NCALD: variants seen among roughly 807,000 people sequenced by gnomAD.
NCALD encodes the protein neurocalcin-delta.
In NCALD, 10 loss-of-function variants were observed where a neutral mutation model predicts 18.6. The observed-to-expected ratio is 0.54, with a 90% CI of 0.33 to 0.91. NCALD has a LOEUF of 0.91. NCALD is among the 40% of genes least tolerant of loss of function. The pLI is 0.03. For synonymous variants in NCALD, 88 were observed against 87.4 expected (o/e 1.01, Z -0.04); for missense variants, 184 against 247.6 (o/e 0.74, Z 1.72).
At chr8:102,035,171 T>G (rs1822817782) in intron 1 of NCALD, among the ~76,000 whole-genome samples, 1 of 152,062 alleles carries the variant, frequency 6.6e-6, no homozygotes, top group Admixed American at 6.6e-5. Flanking sequence ...TCCTCTTAAA[T>G]TCAGTAATGT....
chr8:101,697,432 C>A (rs1437178927), intron 2 of NCALD, among the ~76,000 whole-genome samples: 2 of 152,180 alleles, frequency 1.3e-5, no homozygotes, highest in African/African-American at 4.8e-5. Flanking sequence ...GGACTCCTCC[C>A]TAACTCATTT....
rs181176699 is a variant in NCALD at position 102,093,914 on chromosome 8, C to A, written c.-210+30323G>T. On this transcript the variant is annotated intron_variant, in intron 1 of 6. Coordinates refer to the NCALD transcript ENST00000311028. ...TGCCCTTAAATACCTTAATACCCTA[C>A]AAATTCCTGAAGATAAGATAGATGA... Among the ~76,000 whole-genome samples, 45 of 152,280 alleles carry A rather than the reference C, an allele frequency of 3.0e-4. 1 individual carries two copies. Among genetic ancestry groups the A allele is most frequent in the Admixed American group, 2.6e-3 (40 of 15,292 alleles).
chr8:101,761,225 T>C (rs1274938730), intron 1 of NCALD, among the ~76,000 whole-genome samples: 3 of 152,334 alleles, frequency 2.0e-5, no homozygotes, highest in East Asian at 3.9e-4. Flanking sequence ...CTTAGCTCTG[T>C]CTTTTAGTTC....
At chr8:101,697,837 C>A (rs1323955421) in intron 2 of NCALD, among the ~76,000 whole-genome samples, 2 of 152,140 alleles carry the variant, frequency 1.3e-5, no homozygotes, top group Non-Finnish European at 2.9e-5. Flanking sequence ...CAATATCATA[C>A]TGAATGGGCA....
intron 1 of NCALD, among the ~76,000 whole-genome samples, chr8:102,034,384 A>G (rs1023945427): frequency 3.9e-5 from 6 of 152,240 alleles, no homozygotes; most frequent in African/African-American, 1.4e-4. Context: ...TAATTGCATC[A>G]ACAGAAGCAT....
chr8:101,859,460 TA>T (rs1815452235), intron 4 of NCALD, among the ~76,000 whole-genome samples: 1 of 152,176 alleles, frequency 6.6e-6, no homozygotes, highest in African/African-American at 2.4e-5. Context: ...TATATCCTTT[TA>T]GTTCTGTCCC....
At chr8:101,880,644 C>T (rs1816455971) in intron 4 of NCALD, among the ~76,000 whole-genome samples, 1 of 152,156 alleles carries the variant, frequency 6.6e-6, no homozygotes, top group African/African-American at 2.4e-5. Context: ...AATTCTCCCC[C>T]AGATAGTGTG....
chr8:101,944,894 A>G (rs1292803688), intron 2 of NCALD, among the ~76,000 whole-genome samples: 3 of 151,912 alleles, frequency 2.0e-5, no homozygotes, highest in Non-Finnish European at 4.4e-5. Flanking sequence ...TCTTGCCCAC[A>G]CCTCTATAAA....
At position 101,708,176 on chromosome 8, in the gene NCALD, C is replaced by G. The variant is rs377082264; in HGVS notation, c.378+11076G>C. Among the ~76,000 whole-genome samples, 14 of 152,230 alleles carry G rather than the reference C, an allele frequency of 9.2e-5. No individual in the cohort carries two copies. The East Asian group carries it at 2.7e-3, about 29-fold the overall frequency. On this transcript the variant is annotated intron_variant, in intron 2 of 3. Coordinates refer to ENST00000220931, the MANE Select transcript of NCALD (RefSeq NM_032041.3). ...TCAGATCAATAAGGTTTGGGGAATT[C>G]CTGGGGCCAACTACATTCTTTCCTG...
At position 101,757,307 on chromosome 8, in the gene NCALD, C is replaced by G. The variant is rs925744263; in HGVS notation, c.-20+33555G>C. On this transcript the variant is annotated intron_variant, in intron 1 of 3. Transcript: ENST00000220931. ...TCTTTTAAAAAGAAAAGTAACTGAACATTCAAGGTGCTATGGCAAGCCATG... is the reference window on the plus strand; with the variant it reads ...TCTTTTAAAAAGAAAAGTAACTGAAGATTCAAGGTGCTATGGCAAGCCATG... 3.3e-5 allele frequency among the ~76,000 whole-genome samples: 5 copies of G among 152,190 alleles called. No individual in the cohort carries two copies. In the East Asian group the frequency reaches 9.6e-4, roughly 29 times the overall value.
intron 4 of NCALD, among the ~76,000 whole-genome samples, chr8:101,814,608 C>T (rs1813425100): frequency 6.6e-6 from 1 of 151,896 alleles, no homozygotes; most frequent in Non-Finnish European, 1.5e-5. Context: ...TTTGCAACAT[C>T]ATACTGGAAT....
intron 1 of NCALD, among the ~76,000 whole-genome samples, chr8:102,096,757 T>C (rs1482357357): frequency 6.6e-6 from 1 of 152,238 alleles, no homozygotes; most frequent in African/African-American, 2.4e-5. Flanking sequence ...ATTCTGTATC[T>C]GGGCTCTTGA....
chr8:101,734,000 G>T (rs902207337), intron 1 of NCALD, among the ~76,000 whole-genome samples: 9 of 152,214 alleles, frequency 5.9e-5, no homozygotes, highest in African/African-American at 1.9e-4. Flanking sequence ...AGCCCCGCTT[G>T]AGTGTCACTC....
intron 2 of NCALD, among the ~76,000 whole-genome samples, chr8:101,970,902 T>C (rs1420812726): frequency 6.6e-6 from 1 of 152,196 alleles, no homozygotes; most frequent in Non-Finnish European, 1.5e-5. Flanking sequence ...TAGGAGGTAT[T>C]TGGGTCATGG....
chr8:101,801,214 T>C (rs1812837857), intron 4 of NCALD, among the ~76,000 whole-genome samples: 1 of 152,134 alleles, frequency 6.6e-6, no homozygotes, highest in African/African-American at 2.4e-5. Context: ...TCCAAATATG[T>C]ACACATTTAA....
intron 2 of NCALD, chr8:102,020,176 T>C (rs1010531177): frequency 6.6e-6 from 1 of 152,160 alleles, no homozygotes; most frequent in Non-Finnish European, 1.5e-5. Context: ...ATGTATGTCT[T>C]AGGGAATCTT....
At chr8:101,824,451 C>T (rs1813848965) in intron 4 of NCALD, among the ~76,000 whole-genome samples, 1 of 152,052 alleles carries the variant, frequency 6.6e-6, no homozygotes, top group Non-Finnish European at 1.5e-5. Flanking sequence ...ATCCTCATTA[C>T]TTTATACTAA....
chr8:102,032,019 C>T (rs569527448), intron 1 of NCALD, among the ~76,000 whole-genome samples: 16 of 152,226 alleles, frequency 1.1e-4, no homozygotes, highest in South Asian at 8.3e-4. Context: ...CTGATTTTTC[C>T]CCTTGAAAGT....
intron 1 of NCALD, among the ~76,000 whole-genome samples, chr8:102,104,851 G>A (rs1230073625): frequency 6.6e-6 from 1 of 152,200 alleles, no homozygotes; most frequent in Non-Finnish European, 1.5e-5. Flanking sequence ...TGACCAATCA[G>A]CTTGCCTGCC....
Sources: allele counts gnomAD v4.1 joint callset (sites outside exome capture counted in the v4.1 genomes callset), GRCh38; gene constraint gnomAD v4.1.1; transcripts MANE v1.5; gene names NCBI Gene and HGNC (gene_info 2026-07-23, HGNC 2026-07-21).